VTI1A: variants seen among roughly 807,000 people sequenced by gnomAD.
VTI1A encodes vesicle transport through interaction with t-SNAREs 1A, also known as vesicle transport through interaction with t-SNAREs homolog 1A.
Under a neutral mutation model 34.9 loss-of-function variants are expected in VTI1A, and 22 were observed. The observed-to-expected ratio is 0.63, with a 90% CI of 0.45 to 0.90. VTI1A has a LOEUF of 0.90. VTI1A is among the 40% of genes least tolerant of loss of function. The pLI, the probability that VTI1A is intolerant of heterozygous loss-of-function variation, is 0.00. For synonymous variants in VTI1A, 87 were observed against 97.3 expected (o/e 0.89, Z 0.62); for missense variants, 268 against 275.6 (o/e 0.97, Z 0.20).
chr10:112,720,754 T>C (rs1046406087), intron 7 of VTI1A, among the ~76,000 whole-genome samples: 2 of 152,224 alleles, frequency 1.3e-5, no homozygotes, highest in Admixed American at 6.5e-5. Context: ...CGGATATTAG[T>C]GGTCCCAGAA....
At chr10:112,506,495 CTT>C (rs1395816085) in intron 3 of VTI1A, among the ~76,000 whole-genome samples, 1 of 152,094 alleles carries the variant, frequency 6.6e-6, no homozygotes, top group Non-Finnish European at 1.5e-5. Flanking sequence ...CAATGTGAGT[CTT>C]TGGGTTTTTG....
At chr10:112,679,103 G>A (rs74158750) in intron 7 of VTI1A, among the ~76,000 whole-genome samples, 1,917 of 152,170 alleles carry the variant, frequency 0.013, 38 homozygotes, top group African/African-American at 0.042. Flanking sequence ...GCAGGAAATG[G>A]CTCCTTTTCA....
chr10:112,695,049 TG>T (rs1318952956), intron 7 of VTI1A, among the ~76,000 whole-genome samples: 9 of 152,226 alleles, frequency 5.9e-5, no homozygotes, highest in Non-Finnish European at 1.0e-4. Context: ...TTCCATTTGT[TG>T]GATGCCCTTT....
intron 5 of VTI1A, among the ~76,000 whole-genome samples, chr10:112,645,942 G>GTTTTTTTTT (rs71035394): frequency 7.3e-6 from 1 of 137,324 alleles, no homozygotes; most frequent in African/African-American, 2.7e-5. Context: ...AATATACTGT[G>GTTTTTTTTT]TTTTTTTTTT....
Position 112,538,330 on chromosome 10 carries a change from G to T in VTI1A, c.427G>T (p.Glu143Ter). ...TGGATACCAAATAGCAGTGGAAACC[G>T]GTAAGAATTCTGAGAGTGAGCAAAT... ...EAGYQIAVET[E>*]QIGQEMLENL... Residue 143 changes from glutamate to a stop codon, truncating the protein, a stop_gained and splice_region_variant, in exon 5 of 8, where the codon GAG (glutamate) becomes TAG (stop). Coordinates refer to ENST00000393077, the MANE Select transcript of VTI1A (RefSeq NM_145206.4). LOFTEE classifies it high-confidence loss of function. The T allele has an allele frequency of 6.2e-7, 1 of 1,613,318 alleles. No individual in the cohort carries two copies. Among genetic ancestry groups the T allele is most frequent in the Non-Finnish European group, 8.5e-7 (1 of 1,179,538 alleles).
At chr10:112,495,775 GTATT>G (rs1300254151) in intron 3 of VTI1A, among the ~76,000 whole-genome samples, 1 of 152,142 alleles carries the variant, frequency 6.6e-6, no homozygotes, top group Non-Finnish European at 1.5e-5. Context: ...CGCAGGAATT[GTATT>G]TAGAGTTCAA....
rs1013814348 is a variant in VTI1A at position 112,673,056 on chromosome 10, C to A, written c.560+4058C>A. Among the ~76,000 whole-genome samples, 3 of 152,118 alleles carry A rather than the reference C, an allele frequency of 2.0e-5. No homozygotes were observed. In the East Asian group the frequency reaches 5.8e-4, roughly 29 times the overall value. ...CATAAGCCAGGTGTGGTGGCTCACA[C>A]CCGTAATCCCAACACTTTGGGAGAC... On this transcript the variant is annotated intron_variant, in intron 7 of 7. Coordinates refer to ENST00000393077, the MANE Select transcript of VTI1A (RefSeq NM_145206.4).
At chr10:112,834,394 A>G in the VTI1A span, among the ~76,000 whole-genome samples, 1 of 152,188 alleles carries the variant, frequency 6.6e-6, no homozygotes, top group Non-Finnish European at 1.5e-5. Flanking sequence ...AAGAGCACAA[A>G]CCAGATGAGG....
At chr10:112,594,019 C>G (rs1351276434) in intron 5 of VTI1A, among the ~76,000 whole-genome samples, 1 of 152,212 alleles carries the variant, frequency 6.6e-6, no homozygotes, top group Non-Finnish European at 1.5e-5. Flanking sequence ...CCGCCATTCT[C>G]CTTCCTCAGC....
intron 1 of VTI1A, among the ~76,000 whole-genome samples, chr10:112,450,877 A>G (rs754808027): frequency 5.3e-5 from 8 of 152,332 alleles, no homozygotes; most frequent in Non-Finnish European, 1.0e-4. Context: ...CTATACAGTT[A>G]GTACTTTATT....
chr10:112,793,666 T>C (rs1021068462), intron 7 of VTI1A, among the ~76,000 whole-genome samples: 5 of 152,198 alleles, frequency 3.3e-5, no homozygotes, highest in Non-Finnish European at 5.9e-5. Flanking sequence ...AAAAATAGCT[T>C]CCTTGGTGGC....
At chr10:112,477,281 A>G (rs1848306022) in intron 3 of VTI1A, among the ~76,000 whole-genome samples, 1 of 152,226 alleles carries the variant, frequency 6.6e-6, no homozygotes, top group Non-Finnish European at 1.5e-5. Context: ...TAAGAAGTTC[A>G]TCAGATCATG....
Position 112,692,298 on chromosome 10 carries a change from A to G in VTI1A, c.560+23300A>G, listed in dbSNP as rs529451252. Among the ~76,000 whole-genome samples the G allele has an allele frequency of 3.9e-4, 59 of 152,296 alleles. No individual in the cohort carries two copies. In the East Asian group the frequency reaches 0.011, roughly 29 times the overall value. ...AAACTTAAGATTCTACAATTCTACA[A>G]ATGAAGGGTCCTAGTAAATGTACTT... On this transcript the variant is annotated intron_variant, in intron 7 of 7. Transcript: ENST00000393077.
the VTI1A span, among the ~76,000 whole-genome samples, chr10:112,830,973 C>T: frequency 6.7e-6 from 1 of 150,022 alleles, no homozygotes; most frequent in East Asian, 2.0e-4. Context: ...CCTCAACTTC[C>T]CAAGAAGCTG....
chr10:112,820,054 C>T (rs1255508088), downstream of VTI1A, among the ~76,000 whole-genome samples: 2 of 152,178 alleles, frequency 1.3e-5, no homozygotes, highest in Non-Finnish European at 2.9e-5. Context: ...GGAGCCACGG[C>T]GTGGGAGGTA....
chr10:112,791,348 T>C (rs1852471779), intron 7 of VTI1A, among the ~76,000 whole-genome samples: 1 of 152,074 alleles, frequency 6.6e-6, no homozygotes, highest in Non-Finnish European at 1.5e-5. Flanking sequence ...CCACAAAAAA[T>C]AAGAAAGACA....
At chr10:112,656,393 T>G (rs930192341) in intron 5 of VTI1A, among the ~76,000 whole-genome samples, 4 of 151,640 alleles carry the variant, frequency 2.6e-5, no homozygotes, top group Non-Finnish European at 5.9e-5. Context: ...AAACCTTTTT[T>G]TTTTTTTTTT....
chr10:112,824,989 A>T, the VTI1A span: 7 of 152,268 alleles, frequency 4.6e-5, no homozygotes, highest in African/African-American at 1.7e-4. Flanking sequence ...GTGGTCCAGG[A>T]TGCAGGGCTG....
chr10:112,828,377 A>C, the VTI1A span, among the ~76,000 whole-genome samples: 13 of 152,188 alleles, frequency 8.5e-5, no homozygotes, highest in African/African-American at 2.9e-4. Context: ...TTATTTAAAA[A>C]ATTCATTTTA....
Sources: allele counts gnomAD v4.1 joint callset (sites outside exome capture counted in the v4.1 genomes callset), GRCh38; gene constraint gnomAD v4.1.1; transcripts MANE v1.5; gene names NCBI Gene and HGNC (gene_info 2026-07-23, HGNC 2026-07-21).